PHEX: variants seen among roughly 807,000 people sequenced by gnomAD.
PHEX encodes the protein phosphate regulating endopeptidase X-linked.
In PHEX, 16 loss-of-function variants were observed where a neutral mutation model predicts 68.0. The ratio of observed to expected loss-of-function variants is 0.24; its 90% CI spans 0.16 to 0.36. PHEX has a LOEUF of 0.36. Among genes scored for constraint, PHEX ranks in the 10% least tolerant of loss-of-function variants. PHEX has a pLI of 1.00. For synonymous variants in PHEX, 208 were observed against 205.1 expected (o/e 1.01, Z -0.12); for missense variants, 480 against 575.5 (o/e 0.83, Z 1.70).
At chrX:22,111,780 T>A (rs751393554) in intron 10 of PHEX, among the ~76,000 whole-genome samples, 61 of 112,006 alleles carry the variant, frequency 5.4e-4, no homozygotes, top group African/African-American at 1.8e-3. Flanking sequence ...CTTTGATGGG[T>A]TATATAAAGA....
chrX:22,185,500 T>G (rs778314176), intron 14 of PHEX, among the ~76,000 whole-genome samples: 1 of 111,552 alleles, frequency 9.0e-6, no homozygotes, highest in Non-Finnish European at 1.9e-5. Flanking sequence ...AAACTAGTAA[T>G]TACACACACC....
At chrX:22,118,888 T>C (rs143005805) in intron 11 of PHEX, among the ~76,000 whole-genome samples, 1,298 of 111,979 alleles carry the variant, frequency 0.012, 18 homozygotes, top group African/African-American at 0.039. Flanking sequence ...ATGAGAAGAA[T>C]AGCATGTAGA....
chrX:22,113,452 C>T (rs969149226), intron 10 of PHEX, among the ~76,000 whole-genome samples: 1 of 111,926 alleles, frequency 8.9e-6, no homozygotes, highest in Non-Finnish European at 1.9e-5. Context: ...GCAACTTACA[C>T]TATATTTATT....
At chrX:22,196,296 T>C (rs987806083) in intron 15 of PHEX, among the ~76,000 whole-genome samples, 1 of 112,667 alleles carries the variant, frequency 8.9e-6, no homozygotes, top group Middle Eastern at 4.6e-3. Flanking sequence ...TGCATGGACA[T>C]CTGGAGCTAA....
chrX:22,104,999 G>C (rs1332748477), intron 9 of PHEX, among the ~76,000 whole-genome samples: 1 of 112,514 alleles, frequency 8.9e-6, no homozygotes, highest in Non-Finnish European at 1.9e-5. Flanking sequence ...GTACATTAAA[G>C]TAAGATGATT....
intron 9 of PHEX, among the ~76,000 whole-genome samples, chrX:22,104,989 G>C (rs1397681365): frequency 1.8e-5 from 2 of 112,514 alleles, no homozygotes; most frequent in African/African-American, 6.5e-5. Context: ...CAAGTACAAT[G>C]TACATTAAAG....
At chrX:22,118,703 A>G (rs1190270771) in intron 11 of PHEX, among the ~76,000 whole-genome samples, 4 of 111,102 alleles carry the variant, frequency 3.6e-5, no homozygotes, top group Non-Finnish European at 7.5e-5. Flanking sequence ...GTTCACATTG[A>G]GGTTTCCTAC....
intron 20 of PHEX, among the ~76,000 whole-genome samples, chrX:22,234,833 C>CA (rs1556176186): frequency 3.5e-5 from 3 of 86,643 alleles, no homozygotes; most frequent in South Asian, 4.6e-4. Context: ...AAAAAAAAAA[C>CA]CACACACACA....
chrX:22,146,474 A>C (rs1437981695), intron 12 of PHEX, among the ~76,000 whole-genome samples: 1 of 112,135 alleles, frequency 8.9e-6, no homozygotes, highest in African/African-American at 3.2e-5. Context: ...AAATAATGCT[A>C]GTGTTGAGGA....
At position 22,249,447 on chromosome X, in the gene PHEX, A is replaced by AAG. The variant is rs1936492945; in HGVS notation, c.*1495_*1496insGA. On this transcript the variant is annotated 3_prime_UTR_variant, in exon 22 of 22. Coordinates refer to ENST00000379374, the MANE Select transcript of PHEX (RefSeq NM_000444.6). Reference sequence around the variant, plus strand: ...CCTGTGATTTGTGATTCTTTTAAAAAAAAAAAAAATATATATATATATATA... The same window carrying AAG: ...CCTGTGATTTGTGATTCTTTTAAAAAAGAAAAAAAAATATATATATATATATA... 1 of 28,286 alleles carries AAG rather than the reference A, an allele frequency of 3.5e-5. No individual in the cohort carries two copies. The highest frequency in any genetic ancestry group is 4.1e-4 in the Admixed American group (1 of 2,433). 2.3% of individuals were successfully genotyped at this position (28,286 alleles called of 1,213,427 possible). A position where few individuals can be genotyped will look rare whatever the true frequency, so the allele number is the denominator to read the frequency against.
intron 7 of PHEX, among the ~76,000 whole-genome samples, chrX:22,096,093 C>G (rs1051010940): frequency 1.8e-5 from 2 of 111,319 alleles, no homozygotes; most frequent in Admixed American, 1.9e-4. Flanking sequence ...ATAGGAGATG[C>G]AAGAGTCGGA....
chrX:22,235,761 G>C (rs1935952890), intron 20 of PHEX, among the ~76,000 whole-genome samples: 1 of 109,294 alleles, frequency 9.1e-6, no homozygotes, highest in Non-Finnish European at 1.9e-5. Context: ...TCATATATAG[G>C]CATAATCTTA....
chrX:22,154,481 T>C (rs142765671), intron 12 of PHEX, among the ~76,000 whole-genome samples: 1 of 111,389 alleles, frequency 9.0e-6, no homozygotes, highest in Non-Finnish European at 1.9e-5. Flanking sequence ...CCTGGAGACA[T>C]TTGGCAATGT....
At chrX:22,065,487 A>G (rs975105420) in intron 3 of PHEX, among the ~76,000 whole-genome samples, 3 of 110,530 alleles carry the variant, frequency 2.7e-5, no homozygotes, top group Non-Finnish European at 5.7e-5. Context: ...GTGCTGTGGC[A>G]TGATCTCGGC....
chrX:22,199,535 C>G (rs1047501460), intron 15 of PHEX, among the ~76,000 whole-genome samples: 1 of 111,493 alleles, frequency 9.0e-6, no homozygotes, highest in Admixed American at 9.5e-5. Flanking sequence ...CTGTCCAGCT[C>G]TGTGCCACCT....
chrX:22,130,548 CAAAAAAAAAAA>C (rs35621431), intron 11 of PHEX, among the ~76,000 whole-genome samples: 1 of 30,184 alleles, frequency 3.3e-5, no homozygotes, highest in Non-Finnish European at 6.7e-5. Context: ...GACTCATTCT[CAAAAAAAAAAA>C]AAAAAAAAAA....
chrX:22,159,170 T>C (rs1308918423), intron 12 of PHEX, among the ~76,000 whole-genome samples: 3 of 113,407 alleles, frequency 2.6e-5, no homozygotes, highest in African/African-American at 6.4e-5. Context: ...TTTGGAAGCA[T>C]TGTTAAGCAC....
chrX:22,035,814 A>G (rs1241213774), intron 1 of PHEX, among the ~76,000 whole-genome samples: 4 of 110,115 alleles, frequency 3.6e-5, no homozygotes, highest in Non-Finnish European at 5.7e-5. Context: ...ACCATTCAAA[A>G]GTAACATCTT....
At chrX:22,066,003 C>G (rs1356099138) in intron 3 of PHEX, among the ~76,000 whole-genome samples, 1 of 111,962 alleles carries the variant, frequency 8.9e-6, no homozygotes, top group Non-Finnish European at 1.9e-5. Flanking sequence ...CCAGCTGGTG[C>G]CTTTGAGGAA....
Sources: gnomAD v4.1 joint callset for allele counts (sites outside exome capture counted in the v4.1 genomes callset) on GRCh38, gnomAD v4.1.1 for gene constraint, MANE v1.5 for transcripts, NCBI Gene and HGNC (gene_info 2026-07-23, HGNC 2026-07-21) for gene names.